LRP1B: variants seen among roughly 807,000 people sequenced by gnomAD.
LRP1B encodes LDL receptor related protein 1B, also known as low-density lipoprotein receptor-related protein 1B.
In LRP1B, 217 loss-of-function variants were observed where a neutral mutation model predicts 556.6. The observed-to-expected ratio is 0.39, with a 90% CI of 0.35 to 0.44. The LOEUF (loss-of-function observed/expected upper bound fraction) is 0.44, where lower values mean the gene tolerates loss of function less well. Among genes scored for constraint, LRP1B ranks in the 20% least tolerant of loss-of-function variants. The pLI is 1.00. For missense variants in LRP1B, 5,053 were observed against 5,620.8 expected (o/e 0.90, Z 3.23); for synonymous variants, 2,047 against 1,865.8 (o/e 1.10, Z -2.50).
intron 35 of LRP1B, among the ~76,000 whole-genome samples, chr2:140,766,634 G>GATGATA (rs1168039705): frequency 2.6e-5 from 4 of 151,010 alleles, no homozygotes; most frequent in African/African-American, 9.7e-5. Flanking sequence ...TGATGATGAT[G>GATGATA]ATGATGATGA....
At position 140,235,054 on chromosome 2, in the gene LRP1B, A is replaced by G. The variant is rs1452005474; in HGVS notation, c.13561-170T>C. 25 of 404,416 alleles carry G rather than the reference A, an allele frequency of 6.2e-5. No individual in the cohort carries two copies. In the South Asian group the frequency reaches 1.6e-3, roughly 25 times the overall value. The allele number at this position is 404,416 out of a possible 1,614,324, so 25.1% of individuals were successfully genotyped here. ...AACTTAAAACAACTTAAAATATCCAATATTAATATTATTAAAGATCCAATA... is the reference window on the plus strand; with the variant it reads ...AACTTAAAACAACTTAAAATATCCAGTATTAATATTATTAAAGATCCAATA... On this transcript the variant is annotated intron_variant, in intron 89 of 90. Coordinates refer to ENST00000389484, the MANE Select transcript of LRP1B (RefSeq NM_018557.3).
chr2:141,044,799 G>A (rs1259320591), intron 11 of LRP1B, among the ~76,000 whole-genome samples: 2 of 148,864 alleles, frequency 1.3e-5, no homozygotes, highest in African/African-American at 4.9e-5. Context: ...TGGAGAAATA[G>A]GAACACTTTT....
chr2:140,863,271 C>A (rs567556105), intron 27 of LRP1B, among the ~76,000 whole-genome samples: 4 of 152,232 alleles, frequency 2.6e-5, no homozygotes, highest in Admixed American at 1.3e-4. Context: ...TTCTATCATG[C>A]AAATCTGTTC....
intron 1 of LRP1B, among the ~76,000 whole-genome samples, chr2:141,887,768 C>A (rs915980767): frequency 6.6e-6 from 1 of 152,188 alleles, no homozygotes; most frequent in Non-Finnish European, 1.5e-5. Context: ...CCTATTCTCA[C>A]AAAGTCATCT....
intron 33 of LRP1B, among the ~76,000 whole-genome samples, chr2:140,773,590 T>C (rs969925465): frequency 1.3e-5 from 2 of 151,612 alleles, no homozygotes; most frequent in African/African-American, 4.8e-5. Flanking sequence ...ATTGCAAAAA[T>C]AGCCATATAT....
At chr2:142,003,195 A>ACTGAACACT (rs1702707197) in intron 1 of LRP1B, among the ~76,000 whole-genome samples, 1 of 152,246 alleles carries the variant, frequency 6.6e-6, no homozygotes, top group East Asian at 1.9e-4. Context: ...ATAAAAATTT[A>ACTGAACACT]CTGAACACTT....
intron 3 of LRP1B, among the ~76,000 whole-genome samples, chr2:141,376,838 T>C (rs10208287): frequency 0.098 from 14,877 of 152,176 alleles, 1,205 homozygotes; most frequent in African/African-American, 0.22. Flanking sequence ...ATCTTACAAA[T>C]GCTCTTTCCC....
intron 2 of LRP1B, among the ~76,000 whole-genome samples, chr2:141,729,671 T>C (rs74523697): frequency 1.3e-5 from 2 of 152,182 alleles, no homozygotes; most frequent in African/African-American, 4.8e-5. Context: ...AAAATAATGA[T>C]CTAAATTGCT....
At chr2:141,468,013 A>G (rs1682312295) in intron 3 of LRP1B, among the ~76,000 whole-genome samples, 1 of 152,004 alleles carries the variant, frequency 6.6e-6, no homozygotes. Flanking sequence ...GAAGTAAACT[A>G]TGTTTCTTTA....
At chr2:141,559,197 T>G (rs1686060925) in intron 2 of LRP1B, among the ~76,000 whole-genome samples, 1 of 151,722 alleles carries the variant, frequency 6.6e-6, no homozygotes. Flanking sequence ...TTTCTTAAAT[T>G]TAAAATTTTT....
chr2:140,504,756 G>C (rs1303514810), intron 53 of LRP1B, among the ~76,000 whole-genome samples: 1 of 152,074 alleles, frequency 6.6e-6, no homozygotes, highest in Non-Finnish European at 1.5e-5. Flanking sequence ...TGTAAATGAA[G>C]TCTGACACAT....
At chr2:141,803,934 A>G (rs958964617) in intron 2 of LRP1B, among the ~76,000 whole-genome samples, 2 of 152,132 alleles carry the variant, frequency 1.3e-5, no homozygotes, top group Admixed American at 1.3e-4. Flanking sequence ...ACAACAACGG[A>G]AACATAATAG....
intron 84 of LRP1B, among the ~76,000 whole-genome samples, chr2:140,276,368 T>C (rs774761036): frequency 1.3e-5 from 2 of 151,972 alleles, no homozygotes; most frequent in Non-Finnish European, 2.9e-5. Flanking sequence ...TTGAAGCCTA[T>C]TAATACGGGT....
At chr2:141,685,591 ATT>A (rs1297136325) in intron 2 of LRP1B, among the ~76,000 whole-genome samples, 1 of 152,038 alleles carries the variant, frequency 6.6e-6, no homozygotes, top group Non-Finnish European at 1.5e-5. Context: ...TTATAAGAAG[ATT>A]ATCCTGGATT....
intron 2 of LRP1B, among the ~76,000 whole-genome samples, chr2:141,665,763 C>A (rs1339320984): frequency 6.6e-6 from 1 of 152,110 alleles, no homozygotes; most frequent in Non-Finnish European, 1.5e-5. Flanking sequence ...GGAATGAGAT[C>A]ATATCCTTTT....
In LRP1B at chr2:140,817,322, G is replaced by A. The variant is rs192124610; in HGVS notation, c.5210-3516C>T. On this transcript the variant is annotated intron_variant, in intron 31 of 90. Transcript: ENST00000389484. The stretch of plus-strand genomic sequence containing the variant: ...AGATCCAATAACATAATAAGTATAC[G>A]AAAAAAATAAGTCACTATTTAAATT... Among the ~76,000 whole-genome samples, 334 of 151,172 alleles carry A rather than the reference G, an allele frequency of 2.2e-3. 1 individual carries two copies. Among genetic ancestry groups the A allele is most frequent in the Non-Finnish European group, 2.6e-3 (174 of 67,644 alleles).
At chr2:140,820,631 A>G (rs929018082) in intron 31 of LRP1B, among the ~76,000 whole-genome samples, 8 of 152,198 alleles carry the variant, frequency 5.3e-5, no homozygotes, top group African/African-American at 1.9e-4. Flanking sequence ...AAGCATTTTA[A>G]AAGCTTTAAT....
At chr2:140,523,272 A>T (rs12692058) in intron 49 of LRP1B, among the ~76,000 whole-genome samples, 140,545 of 152,068 alleles carry the variant, frequency 0.92, 65,879 homozygotes, top group East Asian at 1. Context: ...TCACTACATA[A>T]ACAGAATTAA....
At chr2:141,307,760 C>T (rs1043183114) in intron 3 of LRP1B, among the ~76,000 whole-genome samples, 1 of 152,080 alleles carries the variant, frequency 6.6e-6, no homozygotes, top group African/African-American at 2.4e-5. Context: ...CATATGGTGG[C>T]ACTGGTGTTA....
Sources: gnomAD v4.1 joint callset for allele counts (sites outside exome capture counted in the v4.1 genomes callset) on GRCh38, gnomAD v4.1.1 for gene constraint, MANE v1.5 for transcripts, NCBI Gene and HGNC (gene_info 2026-07-23, HGNC 2026-07-21) for gene names.